Variants in F13A1 observed in about 807,000 individuals in gnomAD.
The protein encoded by F13A1 is coagulation factor XIII A chain, also known as FSF, A subunit.
In F13A1, 47 loss-of-function variants were observed where a neutral mutation model predicts 80.1. That is an observed-to-expected ratio of 0.59 (90% CI 0.46 to 0.75). F13A1 has a LOEUF of 0.75. Ranked by LOEUF, F13A1 falls within the 30% of genes least tolerant of loss-of-function variation. F13A1 has a pLI of 0.00. For missense variants in F13A1, 817 were observed against 930.4 expected, an observed-to-expected ratio of 0.88 and a Z score of 1.59; for synonymous variants, 349 against 344.9, an observed-to-expected ratio of 1.01 and a Z score of -0.13.
At chr6:6,219,790 AAT>A (rs568759598) in intron 8 of F13A1, among the ~76,000 whole-genome samples, 63 of 152,308 alleles carry the variant, frequency 4.1e-4, no homozygotes, top group Admixed American at 9.1e-4. Context: ...AAGTAACAGA[AAT>A]AGCACAGTCA....
intron 3 of F13A1, among the ~76,000 whole-genome samples, chr6:6,277,939 TTTCCCTTGAAG>T (rs1758010677): frequency 6.6e-6 from 1 of 152,244 alleles, no homozygotes; most frequent in Non-Finnish European, 1.5e-5. Flanking sequence ...TCCATCTTCC[TTTCCCTTGAAG>T]TGCCCACCTT....
chr6:6,273,830 A>T (rs893445459), intron 3 of F13A1, among the ~76,000 whole-genome samples: 2 of 152,238 alleles, frequency 1.3e-5, no homozygotes, highest in Middle Eastern at 3.2e-3. Context: ...GTGTGCTGAG[A>T]CCAAGTGGGA....
At chr6:6,242,413 A>G (rs1757495054) in intron 6 of F13A1, among the ~76,000 whole-genome samples, 1 of 152,244 alleles carries the variant, frequency 6.6e-6, no homozygotes, top group Admixed American at 6.5e-5. Flanking sequence ...GTGGTTCGAT[A>G]TTAGCAAAAG....
chr6:6,267,511 C>G (rs910010677), intron 3 of F13A1, among the ~76,000 whole-genome samples: 1 of 152,138 alleles, frequency 6.6e-6, no homozygotes, highest in African/African-American at 2.4e-5. Flanking sequence ...TGAGCTTGCC[C>G]TTTTTACCAG....
intron 6 of F13A1, among the ~76,000 whole-genome samples, chr6:6,225,575 A>G (rs1006754193): frequency 2.6e-5 from 4 of 151,922 alleles, no homozygotes; most frequent in African/African-American, 9.7e-5. Context: ...TGGCACGATC[A>G]TGGTTCACTG....
rs1165528934 is a variant in F13A1, at chr6:6,266,892, G to A, written c.320-83C>T. The A allele has an allele frequency of 3.2e-6, 5 of 1,558,590 alleles. No individual in the cohort carries two copies. The South Asian group carries it at 3.4e-5, about 10-fold the overall frequency. On this transcript the variant is annotated intron_variant, in intron 3 of 14. Transcript: ENST00000264870. Reference sequence around the variant, plus strand: ...TCACTCTGTTATCTTATAGCTGAAGGGACAGGAGTAATCCATTAGAATTAT... The same window carrying A: ...TCACTCTGTTATCTTATAGCTGAAGAGACAGGAGTAATCCATTAGAATTAT...
At chr6:6,163,489 C>T (rs537359960) in intron 13 of F13A1, among the ~76,000 whole-genome samples, 14 of 152,246 alleles carry the variant, frequency 9.2e-5, no homozygotes, top group South Asian at 2.1e-4. Flanking sequence ...CCTCCCACGC[C>T]GCACCCTGCA....
At chr6:6,190,917 A>G (rs1285133528) in intron 10 of F13A1, among the ~76,000 whole-genome samples, 3 of 151,946 alleles carry the variant, frequency 2.0e-5, no homozygotes, top group Non-Finnish European at 2.9e-5. Context: ...TGCGGGATAT[A>G]ATCTCGTGGT....
At chr6:6,182,959 A>C (rs1291206677) in intron 10 of F13A1, among the ~76,000 whole-genome samples, 2 of 152,254 alleles carry the variant, frequency 1.3e-5, no homozygotes, top group East Asian at 1.9e-4. Context: ...AAAATGTGCT[A>C]TTTGTGGGAC....
At chr6:6,189,858 C>T (rs1761152844) in intron 10 of F13A1, among the ~76,000 whole-genome samples, 2 of 152,052 alleles carry the variant, frequency 1.3e-5, no homozygotes, top group African/African-American at 4.8e-5. Context: ...CTTTCAGGTA[C>T]ACCAGTGAGA....
intron 10 of F13A1, among the ~76,000 whole-genome samples, chr6:6,185,069 G>A (rs1761054263): frequency 6.6e-6 from 1 of 151,862 alleles, no homozygotes; most frequent in Non-Finnish European, 1.5e-5. Context: ...AGTTCAGAGT[G>A]TATGGCAAGG....
At chr6:6,181,404 G>C (rs1198824733) in intron 11 of F13A1, among the ~76,000 whole-genome samples, 2 of 152,202 alleles carry the variant, frequency 1.3e-5, no homozygotes, top group African/African-American at 4.8e-5. Flanking sequence ...AAACTCAGTA[G>C]TGCCATTTGA....
intron 13 of F13A1, among the ~76,000 whole-genome samples, chr6:6,166,279 C>T (rs1441727363): frequency 6.6e-6 from 1 of 152,184 alleles, no homozygotes; most frequent in African/African-American, 2.4e-5. Context: ...TTAAGAACAG[C>T]GTCTGGAGCC....
chr6:6,305,648 G>C, intron 2 of F13A1, 109 bp from the exon 3 acceptor site: 2 of 1,098,250 alleles, frequency 1.8e-6, no homozygotes, highest in Non-Finnish European at 2.7e-6. Flanking sequence ...AGCAAGGTCT[G>C]CTGAATGAAA....
At chr6:6,236,947 C>T (rs2113081935) in intron 6 of F13A1, among the ~76,000 whole-genome samples, 1 of 152,166 alleles carries the variant, frequency 6.6e-6, no homozygotes, top group South Asian at 2.1e-4. Context: ...GACTTAATCA[C>T]AGGTGGAAGT....
chr6:6,265,542 A>G (rs1757831936), intron 4 of F13A1, among the ~76,000 whole-genome samples: 1 of 152,232 alleles, frequency 6.6e-6, no homozygotes, highest in African/African-American at 2.4e-5. Flanking sequence ...AACAGAATTG[A>G]TAGAGAAATC....
intron 8 of F13A1, among the ~76,000 whole-genome samples, chr6:6,209,526 T>C (rs1761563077): frequency 6.6e-6 from 1 of 152,148 alleles, no homozygotes; most frequent in South Asian, 2.1e-4. Context: ...AAAAAACATA[T>C]GTTCACATAA....
intron 3 of F13A1, among the ~76,000 whole-genome samples, chr6:6,273,530 C>T (rs1053421915): frequency 6.6e-5 from 10 of 152,202 alleles, no homozygotes; most frequent in Non-Finnish European, 1.0e-4. Flanking sequence ...TACCTGCAGA[C>T]TTCCCTTAAG....
At chr6:6,302,759 C>T (rs1001677038) in intron 3 of F13A1, among the ~76,000 whole-genome samples, 1 of 152,152 alleles carries the variant, frequency 6.6e-6, no homozygotes, top group African/African-American at 2.4e-5. Context: ...CACTATGTAA[C>T]AGGAATTTTT....
Sources: gnomAD v4.1 joint callset for allele counts (sites outside exome capture counted in the v4.1 genomes callset) on GRCh38, gnomAD v4.1.1 for gene constraint, MANE v1.5 for transcripts, NCBI Gene and HGNC (gene_info 2026-07-23, HGNC 2026-07-21) for gene names.